The following DSCAM variants were observed in gnomAD, a reference collection of about 807,000 sequenced individuals.
DSCAM encodes the protein cell adhesion molecule DSCAM.
DSCAM carries 47 observed loss-of-function variants against 217.7 expected under a neutral mutation model. That is an observed-to-expected ratio of 0.22 (90% CI 0.17 to 0.28). The LOEUF (loss-of-function observed/expected upper bound fraction) is 0.28. DSCAM is among the 10% of genes least tolerant of loss of function. The pLI is 1.00. For missense variants in DSCAM, 2,080 were observed against 2,618.3 expected, an observed-to-expected ratio of 0.79 and a Z score of 4.49; for synonymous variants, 1,056 against 1,015.3, an observed-to-expected ratio of 1.04 and a Z score of -0.76.
chr21:40,181,666 G>T (rs1330482999), intron 14 of DSCAM, among the ~76,000 whole-genome samples: 4 of 151,468 alleles, frequency 2.6e-5, no homozygotes, highest in African/African-American at 4.9e-5. Flanking sequence ...ACAGGATTTT[G>T]ATATTTCCGG....
chr21:40,799,402 A>T (rs768845632), intron 1 of DSCAM, among the ~76,000 whole-genome samples: 14 of 152,204 alleles, frequency 9.2e-5, no homozygotes, highest in Non-Finnish European at 1.8e-4. Flanking sequence ...CAGAGAAAAA[A>T]AACTCAAAGT....
intron 24 of DSCAM, among the ~76,000 whole-genome samples, chr21:40,082,699 GAAAA>G (rs35477822): frequency 7.2e-5 from 10 of 137,984 alleles, no homozygotes; most frequent in African/African-American, 1.9e-4. Context: ...TTTCCTAAAA[GAAAA>G]AAAAAAAAAA....
At chr21:40,328,113 T>C (rs964501922) in intron 8 of DSCAM, among the ~76,000 whole-genome samples, 9 of 151,934 alleles carry the variant, frequency 5.9e-5, no homozygotes, top group Admixed American at 2.6e-4. Context: ...AAAATACCAA[T>C]GACATTTTTC....
At chr21:40,379,230 C>T (rs967498721) in intron 3 of DSCAM, among the ~76,000 whole-genome samples, 75 of 152,220 alleles carry the variant, frequency 4.9e-4, no homozygotes, top group African/African-American at 1.6e-3. Flanking sequence ...CCCACTGTCA[C>T]GTATTTGAGT....
At chr21:40,423,966 A>G (rs1407747315) in intron 3 of DSCAM, among the ~76,000 whole-genome samples, 2 of 152,178 alleles carry the variant, frequency 1.3e-5, no homozygotes, top group African/African-American at 4.8e-5. Flanking sequence ...TCACTTTCCT[A>G]TTATCCTTTC....
At chr21:40,457,235 C>T (rs1263142619) in intron 3 of DSCAM, among the ~76,000 whole-genome samples, 2 of 152,134 alleles carry the variant, frequency 1.3e-5, no homozygotes, top group African/African-American at 2.4e-5. Context: ...AGGCTGGCTG[C>T]GCATGGTAGC....
chr21:40,702,371 T>C (rs968124071), intron 2 of DSCAM, among the ~76,000 whole-genome samples: 2 of 152,324 alleles, frequency 1.3e-5, no homozygotes, highest in Non-Finnish European at 2.9e-5. Context: ...TAATGCAAGA[T>C]GCTCTGAGCA....
chr21:40,342,178 G>A (rs1341434885), intron 6 of DSCAM, among the ~76,000 whole-genome samples: 1 of 151,740 alleles, frequency 6.6e-6, no homozygotes, highest in East Asian at 1.9e-4. Context: ...TACAACAATT[G>A]AAATACAAGG....
chr21:40,747,700 A>G (rs2091188741), intron 1 of DSCAM, among the ~76,000 whole-genome samples: 1 of 151,870 alleles, frequency 6.6e-6, no homozygotes, highest in Non-Finnish European at 1.5e-5. Context: ...AGGAGGGAAC[A>G]CTTCCAAACT....
chr21:40,704,261 T>C (rs1172519273), intron 2 of DSCAM, among the ~76,000 whole-genome samples: 4 of 152,194 alleles, frequency 2.6e-5, no homozygotes, highest in Non-Finnish European at 5.9e-5. Flanking sequence ...TTCCAGAATG[T>C]CAAGTAGGTG....
chr21:40,585,631 C>G (rs941693180), intron 3 of DSCAM, among the ~76,000 whole-genome samples: 1 of 152,050 alleles, frequency 6.6e-6, no homozygotes, highest in Non-Finnish European at 1.5e-5. Flanking sequence ...GAGGGTGTTA[C>G]GGTTTGGATA....
intron 1 of DSCAM, among the ~76,000 whole-genome samples, chr21:40,752,522 TA>T (rs1179171016): frequency 6.6e-6 from 1 of 152,172 alleles, no homozygotes; most frequent in East Asian, 1.9e-4. Flanking sequence ...TGCAGTTATT[TA>T]AAAAAATACT....
At chr21:40,078,386 C>T (rs2089399401) in intron 26 of DSCAM, among the ~76,000 whole-genome samples, 2 of 152,180 alleles carry the variant, frequency 1.3e-5, no homozygotes, top group South Asian at 4.1e-4. Flanking sequence ...GACATCAACA[C>T]AAGCACAGAA....
At chr21:40,682,027 G>A (rs2090406507) in intron 3 of DSCAM, among the ~76,000 whole-genome samples, 1 of 152,126 alleles carries the variant, frequency 6.6e-6, no homozygotes, top group Non-Finnish European at 1.5e-5. Flanking sequence ...TCAGAACTGT[G>A]AGGAAATAAA....
chr21:40,708,474 T>A lies in DSCAM; in HGVS notation c.341A>T (p.Gln114Leu). Residue 114 changes from glutamine (Q) to leucine (L), a missense_variant, in exon 2 of 33, where the codon CAG becomes CTG. Transcript: ENST00000400454. ...AENPSGKIRS[Q>L]DVHIKAVLRE... The stretch of plus-strand genomic sequence containing the variant: ...CTCACCAGCCTTGATGTGGACATCC[T>A]GACTTCTAATTTTCCCTGAAGGATT... The A allele has an allele frequency of 6.6e-7, 1 of 1,510,734 alleles. No individual in the cohort carries two copies. Among genetic ancestry groups the A allele is most frequent in the Non-Finnish European group, 8.9e-7 (1 of 1,125,534 alleles). The allele number at this position is 1,510,734 out of a possible 1,614,324, so 93.6% of individuals were successfully genotyped here.
chr21:40,776,604 G>C (rs2091490681), intron 1 of DSCAM, among the ~76,000 whole-genome samples: 1 of 152,100 alleles, frequency 6.6e-6, no homozygotes, highest in South Asian at 2.1e-4. Context: ...CCCTTAGACA[G>C]GAGGAGTCAT....
At chr21:40,254,238 T>C (rs2073342058) in intron 11 of DSCAM, among the ~76,000 whole-genome samples, 1 of 152,146 alleles carries the variant, frequency 6.6e-6, no homozygotes, top group Non-Finnish European at 1.5e-5. Context: ...CCTCATATCA[T>C]ATCACCCCAT....
chr21:40,617,155 G>T (rs1379855277), intron 3 of DSCAM, among the ~76,000 whole-genome samples: 1 of 118,734 alleles, frequency 8.4e-6, no homozygotes, highest in African/African-American at 3.4e-5. Context: ...ACGGAGTCTT[G>T]CTCAGTTGCC....
intron 1 of DSCAM, among the ~76,000 whole-genome samples, chr21:40,817,439 G>T (rs1222398686): frequency 6.6e-6 from 1 of 152,192 alleles, no homozygotes; most frequent in Non-Finnish European, 1.5e-5. Flanking sequence ...ATGTCTGGGG[G>T]ACTTCCAAGG....
Sources: gnomAD v4.1 joint callset for allele counts (sites outside exome capture counted in the v4.1 genomes callset) on GRCh38, gnomAD v4.1.1 for gene constraint, MANE v1.5 for transcripts, NCBI Gene and HGNC (gene_info 2026-07-23, HGNC 2026-07-21) for gene names.